PIP5K1B: variants seen among roughly 807,000 people sequenced by gnomAD.
PIP5K1B encodes phosphatidylinositol-4-phosphate 5-kinase type 1 beta, also known as phosphatidylinositol 4-phosphate 5-kinase type-1 beta.
Under a neutral mutation model 67.0 loss-of-function variants are expected in PIP5K1B, and 42 were observed. The ratio of observed to expected loss-of-function variants is 0.63; its 90% CI spans 0.49 to 0.81. The LOEUF is 0.81. Among genes scored for constraint, PIP5K1B ranks in the 30% least tolerant of loss-of-function variants. The probability of loss-of-function intolerance (pLI) is 0.00; values close to 1 mark genes in which losing one functional copy is unlikely to be tolerated. For synonymous variants in PIP5K1B, 214 were observed against 231.4 expected (o/e 0.92, Z 0.68); for missense variants, 459 against 646.3 (o/e 0.71, Z 3.14).
Position 68,982,094 on chromosome 9 carries a change from T to C in PIP5K1B, c.1503-9046T>C, listed in dbSNP as rs143914903. The stretch of plus-strand genomic sequence containing the variant: ...TGAATCGAGAGAATTGTGGCAAAAC[T>C]TGATGGTGCAGAACCTAGGCAGGCA... On this transcript the variant is annotated intron_variant, in intron 14 of 15. Transcript: ENST00000265382. 7.9e-5 allele frequency among the ~76,000 whole-genome samples: 12 copies of C among 152,334 alleles called. No individual in the cohort carries two copies. In the East Asian group the frequency reaches 2.1e-3, roughly 27 times the overall value.
At position 68,741,193 on chromosome 9, in the gene PIP5K1B, T is replaced by A. The variant is rs1015606762; in HGVS notation, c.-242-1308T>A. Among the ~76,000 whole-genome samples the A allele has an allele frequency of 1.2e-4, 18 of 152,338 alleles. No homozygotes were observed. In the East Asian group the frequency reaches 3.5e-3, roughly 29 times the overall value. ...CTAAGAATGCCTAAAACAGTGTGTG[T>A]ACATACATTTCAAAAATTGGAATCA... On this transcript the variant is annotated intron_variant, in intron 1 of 15. Transcript: ENST00000265382.
At chr9:68,774,471 T>G (rs1830815460) in intron 2 of PIP5K1B, among the ~76,000 whole-genome samples, 1 of 152,234 alleles carries the variant, frequency 6.6e-6, no homozygotes, top group African/African-American at 2.4e-5. Flanking sequence ...ATTCTTATCC[T>G]ATTCTGTCCT....
chr9:68,736,875 T>A (rs561218873), intron 1 of PIP5K1B, among the ~76,000 whole-genome samples: 1 of 152,228 alleles, frequency 6.6e-6, no homozygotes, highest in South Asian at 2.1e-4. Flanking sequence ...TTCTGGGGAT[T>A]AGGATGTGGA....
intron 5 of PIP5K1B, among the ~76,000 whole-genome samples, chr9:68,875,933 A>G (rs919341835): frequency 2.0e-5 from 3 of 152,320 alleles, no homozygotes; most frequent in South Asian, 2.1e-4. Context: ...GGATCCCTCT[A>G]TGGATCTGAG....
chr9:68,972,576 G>A (rs550241002), intron 14 of PIP5K1B, among the ~76,000 whole-genome samples: 1 of 152,290 alleles, frequency 6.6e-6, no homozygotes, highest in African/African-American at 2.4e-5. Context: ...GGGAGGCAGA[G>A]GTTGTAGTGA....
At chr9:68,830,058 A>G (rs1455640901) in intron 4 of PIP5K1B, among the ~76,000 whole-genome samples, 2 of 152,096 alleles carry the variant, frequency 1.3e-5, no homozygotes, top group Non-Finnish European at 2.9e-5. Context: ...AAAATCAGAG[A>G]GAAAGATGTG....
At chr9:68,780,991 C>T (rs776286515) in intron 2 of PIP5K1B, 4 of 1,614,164 alleles carry the variant, frequency 2.5e-6, no homozygotes, top group Non-Finnish European at 3.4e-6. Context: ...CAAGCGGCTT[C>T]TCCATTTATT....
chr9:69,007,130 C>T (rs972711902), intron 15 of PIP5K1B, among the ~76,000 whole-genome samples: 8 of 152,144 alleles, frequency 5.3e-5, no homozygotes, highest in South Asian at 2.1e-4. Context: ...TGAGAGGGAG[C>T]GGCCAACGTA....
intron 4 of PIP5K1B, among the ~76,000 whole-genome samples, chr9:68,830,266 C>T (rs1004217442): frequency 6.6e-6 from 1 of 152,082 alleles, no homozygotes; most frequent in Non-Finnish European, 1.5e-5. Context: ...ATCACGTTAC[C>T]ATGCACCCCC....
chr9:68,732,041 G>A (rs367596056), intron 1 of PIP5K1B, among the ~76,000 whole-genome samples: 25 of 152,304 alleles, frequency 1.6e-4, no homozygotes, highest in African/African-American at 4.6e-4. Context: ...AGCCTCCACC[G>A]AAGCACCATG....
At chr9:68,862,209 T>A (rs1015010984) in intron 4 of PIP5K1B, among the ~76,000 whole-genome samples, 2 of 152,196 alleles carry the variant, frequency 1.3e-5, no homozygotes, top group African/African-American at 4.8e-5. Context: ...TAACTGAAGA[T>A]GACACTGCCT....
chr9:68,963,721 A>G (rs908963893), intron 14 of PIP5K1B, among the ~76,000 whole-genome samples: 2 of 152,188 alleles, frequency 1.3e-5, no homozygotes, highest in Non-Finnish European at 2.9e-5. Context: ...GGGGGCATTC[A>G]TTATACAGTC....
At chr9:68,723,698 T>G (rs1193859462) in intron 1 of PIP5K1B, among the ~76,000 whole-genome samples, 85 of 35,098 alleles carry the variant, frequency 2.4e-3, no homozygotes, top group African/African-American at 0.01. Flanking sequence ...GTATTTGGTT[T>G]TTTTTTTTTT....
At chr9:68,922,635 T>A (rs1283010001) in intron 11 of PIP5K1B, among the ~76,000 whole-genome samples, 1 of 152,064 alleles carries the variant, frequency 6.6e-6, no homozygotes, top group East Asian at 1.9e-4. Flanking sequence ...CCTTCATCTA[T>A]CCCCTTTCCT....
In PIP5K1B at chr9:68,894,468, A is replaced by G. The variant is rs985557193; in HGVS notation, c.601A>G (p.Thr201Ala). Residue 201 changes from threonine to alanine, a missense_variant, in exon 8 of 16, where the codon ACA (threonine) becomes GCA (alanine). Physicochemically the swap from Thr to Ala is moderately conservative, Grantham distance 58 (BLOSUM62 0). Coordinates refer to ENST00000265382, the MANE Select transcript of PIP5K1B (RefSeq NM_003558.4). Reference protein sequence around the residue: ...VLPRSMRMHFTYDLKGSTYKR... With the variant: ...VLPRSMRMHFAYDLKGSTYKR... Reference sequence around the variant, plus strand: ...GCCACGCTCCATGAGAATGCACTTTACATATGACTTGAAAGGCTCAACGTA... The same window carrying G: ...GCCACGCTCCATGAGAATGCACTTTGCATATGACTTGAAAGGCTCAACGTA... 5 of 1,614,054 alleles carry G rather than the reference A, an allele frequency of 3.1e-6. No individual in the cohort carries two copies. In the African/African-American group the frequency reaches 6.7e-5, roughly 22 times the overall value.
intron 14 of PIP5K1B, among the ~76,000 whole-genome samples, chr9:68,975,428 T>C (rs1222560388): frequency 6.6e-6 from 1 of 152,228 alleles, no homozygotes; most frequent in African/African-American, 2.4e-5. Flanking sequence ...AATTGTACTT[T>C]TTTTCAGTTG....
intron 12 of PIP5K1B, among the ~76,000 whole-genome samples, chr9:68,927,100 T>C (rs1431673887): frequency 6.6e-5 from 10 of 152,250 alleles, no homozygotes; most frequent in Admixed American, 5.9e-4. Context: ...CCTCGTAGCA[T>C]GTACCAGTAA....
chr9:69,003,672 G>A (rs113145277), intron 15 of PIP5K1B, among the ~76,000 whole-genome samples: 5 of 152,264 alleles, frequency 3.3e-5, no homozygotes, highest in Non-Finnish European at 5.9e-5. Flanking sequence ...GTCGGTTGAT[G>A]GGGGCAAGGG....
intron 14 of PIP5K1B, among the ~76,000 whole-genome samples, chr9:68,947,563 A>G (rs1044910932): frequency 6.6e-6 from 1 of 152,162 alleles, no homozygotes; most frequent in African/African-American, 2.4e-5. Context: ...CATGGAGCAA[A>G]AGCTAGATAG....
Sources: gnomAD v4.1 joint callset for allele counts (sites outside exome capture counted in the v4.1 genomes callset) on GRCh38, gnomAD v4.1.1 for gene constraint, MANE v1.5 for transcripts, NCBI Gene and HGNC (gene_info 2026-07-23, HGNC 2026-07-21) for gene names.